The following SORCS3 variants were observed in gnomAD, a reference collection of about 807,000 sequenced individuals.
The protein encoded by SORCS3 is VPS10 domain-containing receptor SorCS3.
SORCS3 carries 57 observed loss-of-function variants against 146.3 expected under a neutral mutation model. The observed-to-expected ratio is 0.39, with a 90% CI of 0.31 to 0.49. SORCS3 has a LOEUF of 0.49. Ranked by LOEUF, SORCS3 falls within the 20% of genes least tolerant of loss-of-function variation. The pLI, the probability that SORCS3 is intolerant of heterozygous loss-of-function variation, is 0.92. For missense variants in SORCS3, 1,341 were observed against 1,575.5 expected (o/e 0.85, Z 2.52); for synonymous variants, 653 against 618.5 (o/e 1.06, Z -0.83).
rs149537972 is a variant in SORCS3, at chr10:104,671,401, C to T, written c.627+29447C>T. On this transcript the variant is annotated intron_variant, in intron 1 of 26. Transcript: ENST00000369701. ...CCAGGCTGGAGTACAGTGGCACAAT[C>T]TCAGCTCATTGCAACCTCTGCCTTC... Among the ~76,000 whole-genome samples the T allele has an allele frequency of 3.5e-3, 439 of 125,278 alleles. 3 individuals carry two copies. Among genetic ancestry groups the T allele is most frequent in the African/African-American group, 0.012 (402 of 33,480 alleles). The allele number at this position is 125,278 out of a possible 152,430, so 82.2% of individuals were successfully genotyped here. A position where few individuals can be genotyped will look rare whatever the true frequency, so the allele number is the denominator to read the frequency against.
intron 2 of SORCS3, among the ~76,000 whole-genome samples, chr10:104,912,796 G>A (rs1184745147): frequency 6.6e-6 from 1 of 152,210 alleles, no homozygotes; most frequent in African/African-American, 2.4e-5. Context: ...TAAGGACAGT[G>A]TAGCCAAACC....
At chr10:105,251,554 G>C (rs1463464764) in intron 22 of SORCS3, among the ~76,000 whole-genome samples, 8 of 152,126 alleles carry the variant, frequency 5.3e-5, no homozygotes, top group Admixed American at 2.6e-4. Context: ...GGGAGGCTAA[G>C]GTGGAGATCA....
At chr10:105,043,642 T>A (rs2055351788) in intron 5 of SORCS3, among the ~76,000 whole-genome samples, 1 of 152,150 alleles carries the variant, frequency 6.6e-6, no homozygotes, top group African/African-American at 2.4e-5. Flanking sequence ...AGGATTCATG[T>A]TATGATATTA....
rs745678853 is a variant in SORCS3, at chr10:104,996,962, G to A, written c.954+19469G>A. Reference sequence around the variant, plus strand: ...GGATGTGTGGATGTTGAGAAGAGTGGCATTTATTTTTTCGATGATCCCTGG... The same window carrying A: ...GGATGTGTGGATGTTGAGAAGAGTGACATTTATTTTTTCGATGATCCCTGG... On this transcript the variant is annotated intron_variant, in intron 4 of 26. Transcript: ENST00000369701. 1.2e-4 allele frequency among the ~76,000 whole-genome samples: 19 copies of A among 152,118 alleles called. 1 individual carries two copies. The highest frequency in any genetic ancestry group is 2.8e-4 in the Non-Finnish European group (19 of 68,002).
chr10:105,077,625 C>T (rs1327655269), intron 5 of SORCS3, among the ~76,000 whole-genome samples: 1 of 151,932 alleles, frequency 6.6e-6, no homozygotes, highest in Non-Finnish European at 1.5e-5. Context: ...AGGCAGAACC[C>T]TATCCTAGGA....
Position 105,105,449 on chromosome 10 carries a change from T to C in SORCS3, c.1146T>C (p.Ser382=), listed in dbSNP as rs770887443. 7 of 1,613,666 alleles carry C rather than the reference T, an allele frequency of 4.3e-6. No individual in the cohort carries two copies. In the East Asian group the frequency reaches 1.3e-4, roughly 31 times the overall value. The change falls in exon 7 of 27, where the codon AGT becomes AGC. Residue 382 remains serine (S), a synonymous_variant. Transcript: ENST00000369701. ...RIQECAETTR[S]GPFARSIDIS... ...AGGAATGTGCCGAGACAACTAGAAGTGGGCCTTTTGCCCGCTCCATTGACA... is the reference window on the plus strand; with the variant it reads ...AGGAATGTGCCGAGACAACTAGAAGCGGGCCTTTTGCCCGCTCCATTGACA...
At chr10:104,722,721 C>T (rs1011830532) in intron 1 of SORCS3, among the ~76,000 whole-genome samples, 10 of 152,096 alleles carry the variant, frequency 6.6e-5, no homozygotes, top group Non-Finnish European at 7.4e-5. Flanking sequence ...GTGTATGTGT[C>T]GAGGAATGTA....
At chr10:104,679,410 C>T (rs2015946468) in intron 1 of SORCS3, among the ~76,000 whole-genome samples, 1 of 152,156 alleles carries the variant, frequency 6.6e-6, no homozygotes, top group Non-Finnish European at 1.5e-5. Context: ...GCTTTCTTTA[C>T]ATAGAGTTAC....
intron 1 of SORCS3, among the ~76,000 whole-genome samples, chr10:104,789,610 A>G (rs1218423194): frequency 6.6e-6 from 1 of 152,240 alleles, no homozygotes; most frequent in East Asian, 1.9e-4. Context: ...TCTGACAGGA[A>G]ATGTAAAAAC....
chr10:104,919,530 A>G (rs1390745698), intron 3 of SORCS3, among the ~76,000 whole-genome samples: 2 of 152,068 alleles, frequency 1.3e-5, no homozygotes, highest in Non-Finnish European at 2.9e-5. Context: ...GTCTCTGCTA[A>G]AAATACAAAA....
intron 4 of SORCS3, among the ~76,000 whole-genome samples, chr10:105,029,235 G>A (rs1589600884): frequency 1.3e-5 from 2 of 152,312 alleles, no homozygotes; most frequent in Admixed American, 6.5e-5. Context: ...CTAATGCAGA[G>A]TTGAGAACCA....
chr10:104,983,645 G>A (rs868632302), intron 4 of SORCS3, among the ~76,000 whole-genome samples: 3 of 152,006 alleles, frequency 2.0e-5, no homozygotes, highest in Admixed American at 6.6e-5. Context: ...CTTTATGTAC[G>A]TGCTGTTTTT....
At chr10:105,111,260 C>G (rs1181192785) in intron 7 of SORCS3, among the ~76,000 whole-genome samples, 1 of 152,138 alleles carries the variant, frequency 6.6e-6, no homozygotes, top group African/African-American at 2.4e-5. Flanking sequence ...GAAGTCTTCC[C>G]TGACATCCTC....
chr10:104,836,079 T>C (rs1226090906), intron 1 of SORCS3, among the ~76,000 whole-genome samples: 1 of 152,168 alleles, frequency 6.6e-6, no homozygotes, highest in African/African-American at 2.4e-5. Flanking sequence ...GCAAGCTCCA[T>C]CCAGGAGGCA....
intron 5 of SORCS3, among the ~76,000 whole-genome samples, chr10:105,064,085 G>C (rs371953271): frequency 6.6e-5 from 10 of 152,310 alleles, no homozygotes; most frequent in Middle Eastern, 3.4e-3. Context: ...TAGGAGTCAG[G>C]CACTGAACTA....
At chr10:105,058,168 A>G (rs1249292787) in intron 5 of SORCS3, among the ~76,000 whole-genome samples, 1 of 152,214 alleles carries the variant, frequency 6.6e-6, no homozygotes, top group Non-Finnish European at 1.5e-5. Context: ...CAGACTTAGC[A>G]TTTTGGATGG....
chr10:105,247,362 T>G, intron 22 of SORCS3, 31 bp downstream of exon 22: 1 of 1,303,114 alleles, frequency 7.7e-7, no homozygotes, highest in Non-Finnish European at 1.1e-6. Flanking sequence ...TTTAAGTTCT[T>G]GTGAATAAAG....
intron 7 of SORCS3, among the ~76,000 whole-genome samples, chr10:105,129,492 T>G (rs1056694537): frequency 1.3e-5 from 2 of 152,072 alleles, no homozygotes; most frequent in African/African-American, 4.8e-5. Context: ...TTCTTTCACC[T>G]GAAGCTCTGG....
chr10:104,886,563 T>TATCCATCC (rs201639242), intron 2 of SORCS3, among the ~76,000 whole-genome samples: 8 of 106,720 alleles, frequency 7.5e-5, no homozygotes, highest in South Asian at 3.0e-4. Context: ...ATCATCTATC[T>TATCCATCC]ATCTATCTAT....
Sources: gnomAD v4.1 joint callset for allele counts (sites outside exome capture counted in the v4.1 genomes callset) on GRCh38, gnomAD v4.1.1 for gene constraint, MANE v1.5 for transcripts, NCBI Gene and HGNC (gene_info 2026-07-23, HGNC 2026-07-21) for gene names.